Variants in PDSS2 observed in about 807,000 individuals in gnomAD.
The protein encoded by PDSS2 is decaprenyl diphosphate synthase subunit 2, also known as all trans-polyprenyl-diphosphate synthase PDSS2.
PDSS2 carries 31 observed loss-of-function variants against 44.5 expected under a neutral mutation model. The ratio of observed to expected loss-of-function variants is 0.70; its 90% CI spans 0.52 to 0.94. The LOEUF (loss-of-function observed/expected upper bound fraction) is 0.94, where lower values mean the gene tolerates loss of function less well. Ranked by LOEUF, PDSS2 falls within the 40% of genes least tolerant of loss-of-function variation. PDSS2 has a pLI of 0.00. For missense variants in PDSS2, 452 were observed against 482.2 expected (o/e 0.94, Z 0.59); for synonymous variants, 157 against 180.3 (o/e 0.87, Z 1.03).
intron 4 of PDSS2, among the ~76,000 whole-genome samples, chr6:107,224,116 G>A (rs1198820706): frequency 6.6e-6 from 1 of 151,314 alleles, no homozygotes; most frequent in Non-Finnish European, 1.5e-5. Context: ...ATTGAGTGCT[G>A]TATTCTAGGT....
At chr6:107,303,872 C>T (rs1392724994) in intron 2 of PDSS2, among the ~76,000 whole-genome samples, 1 of 152,144 alleles carries the variant, frequency 6.6e-6, no homozygotes, top group African/African-American at 2.4e-5. Context: ...ACATTTAAAA[C>T]TGTGTTAGAT....
intron 1 of PDSS2, among the ~76,000 whole-genome samples, chr6:107,354,149 C>T (rs1778517719): frequency 6.6e-6 from 1 of 152,056 alleles, no homozygotes; most frequent in Admixed American, 6.5e-5. Flanking sequence ...AGATCTTGAA[C>T]AGTGAAGTCA....
At chr6:107,279,410 C>T (rs1204411674) in intron 2 of PDSS2, among the ~76,000 whole-genome samples, 2 of 152,090 alleles carry the variant, frequency 1.3e-5, no homozygotes, top group East Asian at 1.9e-4. Context: ...TAAGAACAGG[C>T]TTAATTCTTT....
intron 7 of PDSS2, among the ~76,000 whole-genome samples, chr6:107,179,496 G>C (rs199721357): frequency 2.1e-5 from 3 of 144,756 alleles, no homozygotes; most frequent in Non-Finnish European, 3.0e-5. Context: ...GGTCAGGCTG[G>C]TCTCAAACTC....
At chr6:107,155,089 C>G (rs1554245319) in intron 7 of PDSS2, among the ~76,000 whole-genome samples, 1 of 150,962 alleles carries the variant, frequency 6.6e-6, no homozygotes, top group East Asian at 1.9e-4. Flanking sequence ...AGTAAGAAGG[C>G]GGAGGGCATT....
chr6:107,364,183 T>C (rs1049592826), intron 1 of PDSS2, among the ~76,000 whole-genome samples: 1 of 152,190 alleles, frequency 6.6e-6, no homozygotes, highest in African/African-American at 2.4e-5. Flanking sequence ...TGGCTTCACC[T>C]AGTGGATCCC....
At chr6:107,250,190 G>A (rs557782661) in intron 3 of PDSS2, among the ~76,000 whole-genome samples, 18 of 142,306 alleles carry the variant, frequency 1.3e-4, no homozygotes, top group South Asian at 4.3e-4. Flanking sequence ...ACCCCCCCCC[G>A]CAAAAAAATC....
intron 6 of PDSS2, among the ~76,000 whole-genome samples, chr6:107,202,347 C>T (rs1341385910): frequency 6.6e-6 from 1 of 151,814 alleles, no homozygotes; most frequent in African/African-American, 2.4e-5. Context: ...CCCTATAATG[C>T]TATTTAAAAT....
At chr6:107,354,970 C>T (rs9480767) in intron 1 of PDSS2, among the ~76,000 whole-genome samples, 20,812 of 151,734 alleles carry the variant, frequency 0.14, 1,593 homozygotes, top group East Asian at 0.25. Flanking sequence ...CACTCTGTCA[C>T]CAGGCTGGAT....
rs145481367 is a variant in PDSS2, at chr6:107,230,940, G to A, written c.702+14608C>T. 2.7e-3 allele frequency among the ~76,000 whole-genome samples: 415 copies of A among 152,228 alleles called. 2 individuals carry two copies. Among genetic ancestry groups the A allele is most frequent in the African/African-American group, 9.0e-3 (373 of 41,528 alleles). On this transcript the variant is annotated intron_variant, in intron 4 of 7. Coordinates refer to ENST00000369037, the MANE Select transcript of PDSS2 (RefSeq NM_020381.4). ...AAGAATTCAGGAGGCGGGGCACGGT[G>A]GCTCATGCCTGTAATCCTAGCACAT... is the stretch of plus-strand genomic sequence containing the variant.
chr6:107,432,347 C>T (rs1781216833), intron 1 of PDSS2, among the ~76,000 whole-genome samples: 3 of 152,154 alleles, frequency 2.0e-5, no homozygotes, highest in Admixed American at 2.0e-4. Flanking sequence ...CAAAAACATT[C>T]TATTTTTCAT....
intron 4 of PDSS2, among the ~76,000 whole-genome samples, chr6:107,239,328 C>A (rs1774336570): frequency 6.6e-6 from 1 of 151,798 alleles, no homozygotes; most frequent in South Asian, 2.1e-4. Context: ...AGTAAATGCC[C>A]CCAAAATGTG....
chr6:107,226,758 C>T (rs557489558), intron 4 of PDSS2, among the ~76,000 whole-genome samples: 4 of 151,660 alleles, frequency 2.6e-5, no homozygotes, highest in African/African-American at 9.7e-5. Flanking sequence ...CAACCTCCGC[C>T]TCTGGGGTTC....
In PDSS2 at chr6:107,428,758, GC is replaced by G. The variant is rs199520677; in HGVS notation, c.296+30231del. Among the ~76,000 whole-genome samples, 1,197 of 152,224 alleles carry G rather than the reference GC, an allele frequency of 7.9e-3. 13 individuals are homozygous for G. The highest frequency in any genetic ancestry group is 0.028 in the African/African-American group (1,159 of 41,526). On this transcript the variant is annotated intron_variant, in intron 1 of 7. Coordinates refer to ENST00000369037, the MANE Select transcript of PDSS2 (RefSeq NM_020381.4). The stretch of plus-strand genomic sequence containing the variant: ...AGGCTGAGGTGGGAGTATTGCTTGA[GC>G]TGAGGAGTCTGAGGCTGTTGTGAGC...
chr6:107,382,835 T>G (rs1403009834), intron 1 of PDSS2, among the ~76,000 whole-genome samples: 1 of 151,946 alleles, frequency 6.6e-6, no homozygotes, highest in Admixed American at 6.6e-5. Context: ...AGACTCTGTC[T>G]CCAAAACAAA....
At chr6:107,214,378 A>G (rs1773339059) in intron 4 of PDSS2, among the ~76,000 whole-genome samples, 1 of 152,142 alleles carries the variant, frequency 6.6e-6, no homozygotes, top group African/African-American at 2.4e-5. Flanking sequence ...AGTGTGAGCC[A>G]CCGCTCCCGG....
chr6:107,407,021 G>A (rs546407789), intron 1 of PDSS2, among the ~76,000 whole-genome samples: 91 of 152,312 alleles, frequency 6.0e-4, no homozygotes, highest in African/African-American at 1.9e-3. Context: ...GGGTTGGGGA[G>A]TGTAGTGCAG....
intron 1 of PDSS2, among the ~76,000 whole-genome samples, chr6:107,338,741 G>C (rs946817226): frequency 6.6e-6 from 1 of 152,178 alleles, no homozygotes; most frequent in Non-Finnish European, 1.5e-5. Flanking sequence ...GAAGGAAAGA[G>C]AGGAGGACAC....
intron 1 of PDSS2, among the ~76,000 whole-genome samples, chr6:107,341,993 T>G (rs1308661312): frequency 6.6e-6 from 1 of 152,076 alleles, no homozygotes; most frequent in Admixed American, 6.6e-5. Context: ...CTACTCACAA[T>G]AGTCAATTAG....
Sources: gnomAD v4.1 joint callset for allele counts (sites outside exome capture counted in the v4.1 genomes callset) on GRCh38, gnomAD v4.1.1 for gene constraint, MANE v1.5 for transcripts, NCBI Gene and HGNC (gene_info 2026-07-23, HGNC 2026-07-21) for gene names.